MMP26: variants seen among roughly 807,000 people sequenced by gnomAD.
MMP26 encodes the protein matrix metallopeptidase 26.
A neutral mutation model predicts 31.0 loss-of-function variants in MMP26; 33 were observed. The ratio of observed to expected loss-of-function variants is 1.06; its 90% CI spans 0.81 to 1.42. MMP26 has a LOEUF of 1.42. Among genes scored for constraint, MMP26 ranks in the 40% most tolerant of loss-of-function variants. The pLI is 0.00. For missense variants in MMP26, 347 were observed against 316.1 expected (o/e 1.10, Z -0.74); for synonymous variants, 122 against 114.9 (o/e 1.06, Z -0.40).
intron 2 of MMP26, chr11:4,914,669 G>T: frequency 7.9e-7 from 1 of 1,267,306 alleles, no homozygotes; most frequent in Non-Finnish European, 1.1e-6. Flanking sequence ...ATAAAGGATA[G>T]GCAAACAAGG....
chr11:4,907,198 A>G, intron 2 of MMP26: 1 of 538,834 alleles, frequency 1.9e-6, no homozygotes, highest in East Asian at 2.8e-5. Flanking sequence ...AACTTGTTTA[A>G]GGACTTCTGG....
At chr11:4,765,834 TAC>T (rs372282657) in intron 1 of MMP26, among the ~76,000 whole-genome samples, 1 of 152,204 alleles carries the variant, frequency 6.6e-6, no homozygotes. Flanking sequence ...CTTCCATCTT[TAC>T]ACAGTCTATT....
chr11:4,709,565 C>A, intron 1 of MMP26: 1 of 438,638 alleles, frequency 2.3e-6, no homozygotes. Context: ...CTTCTTCGCT[C>A]ATCATGCCAT....
At chr11:4,985,748 G>A (rs535144482) in intron 2 of MMP26, among the ~76,000 whole-genome samples, 1 of 151,988 alleles carries the variant, frequency 6.6e-6, no homozygotes, top group South Asian at 2.1e-4. Flanking sequence ...AGGTTTAATG[G>A]TATGATATAT....
At chr11:4,812,130 G>T (rs538292550) in intron 2 of MMP26, among the ~76,000 whole-genome samples, 2 of 152,224 alleles carry the variant, frequency 1.3e-5, no homozygotes, top group South Asian at 4.1e-4. Context: ...AGGATGTTTA[G>T]AAAGAAACTT....
At chr11:4,789,260 G>T (rs1224702662) in intron 2 of MMP26, among the ~76,000 whole-genome samples, 2 of 152,176 alleles carry the variant, frequency 1.3e-5, no homozygotes, top group East Asian at 3.9e-4. Flanking sequence ...CAGATTGATT[G>T]GTTTGATTTA....
intron 2 of MMP26, among the ~76,000 whole-genome samples, chr11:4,810,358 A>G (rs1849333981): frequency 6.6e-6 from 1 of 152,202 alleles, no homozygotes; most frequent in Non-Finnish European, 1.5e-5. Context: ...AAACACATGT[A>G]TAAGGCACTG....
chr11:4,812,061 T>G (rs369990632), intron 2 of MMP26, among the ~76,000 whole-genome samples: 99 of 152,246 alleles, frequency 6.5e-4, no homozygotes, highest in African/African-American at 2.2e-3. Context: ...AAAGGTTGGT[T>G]ACGATAAACT....
intron 2 of MMP26, chr11:4,769,947 A>C: frequency 1.8e-6 from 2 of 1,125,282 alleles, no homozygotes; most frequent in Non-Finnish European, 1.4e-6. Context: ...ATTTGTCCTC[A>C]CAATGCTTCC....
chr11:4,744,796 G>C (rs7107648), intron 1 of MMP26, among the ~76,000 whole-genome samples: 28,360 of 151,970 alleles, frequency 0.19, 3,389 homozygotes, highest in African/African-American at 0.34. Context: ...TTATATATAT[G>C]TGCAGTGTAG....
chr11:4,950,412 T>A lies in MMP26; in HGVS notation c.-144-37656T>A, dbSNP rs535200225. Among the ~76,000 whole-genome samples the A allele has an allele frequency of 5.2e-4, 63 of 120,616 alleles. 15 individuals are homozygous for A. The highest frequency in any genetic ancestry group is 3.8e-3 in the Admixed American group (40 of 10,552). 79.1% of individuals were successfully genotyped at this position (120,616 alleles called of 152,430 possible). On this transcript the variant is annotated intron_variant, in intron 2 of 7. Coordinates refer to ENST00000380390, the MANE Select transcript of MMP26 (RefSeq NM_021801.5). Reference sequence around the variant, plus strand: ...TGGAACTGGAGAACATTATGTTAAATAAAATAAGCCAGGCACAGAAAGACA... The same window carrying A: ...TGGAACTGGAGAACATTATGTTAAAAAAAATAAGCCAGGCACAGAAAGACA...
At chr11:4,871,282 T>C (rs1382816612) in intron 2 of MMP26, among the ~76,000 whole-genome samples, 3 of 152,080 alleles carry the variant, frequency 2.0e-5, no homozygotes, top group African/African-American at 7.2e-5. Flanking sequence ...ACAGGGATTG[T>C]AGACCGCAAT....
At chr11:4,838,314 C>A (rs80339912) in intron 2 of MMP26, among the ~76,000 whole-genome samples, 2 of 31,336 alleles carry the variant, frequency 6.4e-5, no homozygotes, top group East Asian at 1.1e-3. Flanking sequence ...AAGACTCTGT[C>A]TAAAAAAAAA....
chr11:4,876,696 C>G (rs1832945161), intron 2 of MMP26: 1 of 152,042 alleles, frequency 6.6e-6, no homozygotes, highest in Non-Finnish European at 1.5e-5. Flanking sequence ...GGAAATGTCA[C>G]CATCCTTGTT....
intron 2 of MMP26, among the ~76,000 whole-genome samples, chr11:4,782,794 C>T (rs918271413): frequency 1.3e-5 from 2 of 152,146 alleles, no homozygotes; most frequent in Non-Finnish European, 2.9e-5. Flanking sequence ...CCCAGCTGCT[C>T]CAGACATGGC....
rs142910365 is a variant in MMP26 at position 4,720,611 on chromosome 11, A to G, written c.-217+15566A>G. Reference sequence around the variant, plus strand: ...ACTACAGGAAGTTTCCTCTACTTATATGACCTTGGGAACAAAGAGAAGAGT... The same window carrying G: ...ACTACAGGAAGTTTCCTCTACTTATGTGACCTTGGGAACAAAGAGAAGAGT... On this transcript the variant is annotated intron_variant, in intron 1 of 7. Coordinates refer to ENST00000380390, the MANE Select transcript of MMP26 (RefSeq NM_021801.5). Among the ~76,000 whole-genome samples the G allele has an allele frequency of 2.3e-3, 345 of 152,352 alleles. 2 individuals are homozygous for G. Among genetic ancestry groups the G allele is most frequent in the Admixed American group, 5.2e-3 (80 of 15,298 alleles).
chr11:4,719,835 C>G (rs1847986946), intron 1 of MMP26, among the ~76,000 whole-genome samples: 1 of 152,000 alleles, frequency 6.6e-6, no homozygotes, highest in South Asian at 2.1e-4. Context: ...AATGGTGCAG[C>G]TTAGTTTGCA....
rs374334278 is a variant in MMP26 at position 4,974,795 on chromosome 11, TC to T, written c.-144-13271del. On this transcript the variant is annotated intron_variant, in intron 2 of 7. Transcript: ENST00000380390. Reference sequence around the variant, plus strand: ...CAGCCATAAAAGGAACGACATCATGTCCTTTGCAGGGACATGGATGGGGCTG... The same window carrying T: ...CAGCCATAAAAGGAACGACATCATGTCTTTGCAGGGACATGGATGGGGCTG... 2.1e-3 allele frequency among the ~76,000 whole-genome samples: 320 copies of T among 152,188 alleles called. 1 individual carries two copies. The highest frequency in any genetic ancestry group is 7.3e-3 in the African/African-American group (302 of 41,456).
chr11:4,912,704 C>T (rs761756080), intron 2 of MMP26: 8 of 152,248 alleles, frequency 5.3e-5, no homozygotes, highest in African/African-American at 9.6e-5. Context: ...ATCTGAGTTA[C>T]GTAACAGGCA....
Sources: allele counts gnomAD v4.1 joint callset (sites outside exome capture counted in the v4.1 genomes callset), GRCh38; gene constraint gnomAD v4.1.1; transcripts MANE v1.5; gene names NCBI Gene and HGNC (gene_info 2026-07-23, HGNC 2026-07-21).